Variants in NLRP14 observed in about 807,000 individuals in gnomAD.
NLRP14 encodes NACHT, LRR and PYD domains-containing protein 14.
NLRP14 carries 105 observed loss-of-function variants against 94.7 expected under a neutral mutation model. The observed-to-expected ratio is 1.11, with a 90% CI of 0.95 to 1.30. The LOEUF (loss-of-function observed/expected upper bound fraction) is 1.30, where lower values mean the gene tolerates loss of function less well. NLRP14 is among the 50% of genes most tolerant of loss of function. The probability of loss-of-function intolerance (pLI) is 0.00; values close to 1 mark genes in which losing one functional copy is unlikely to be tolerated. For synonymous variants in NLRP14, 508 were observed against 459.9 expected, an observed-to-expected ratio of 1.10 and a Z score of -1.34; for missense variants, 1,362 against 1,254.1, an observed-to-expected ratio of 1.09 and a Z score of -1.30.
At chr11:7,090,039 C>A in the NLRP14 span, 3 of 1,613,080 alleles carry the variant, frequency 1.9e-6, no homozygotes, top group Non-Finnish European at 2.5e-6. Context: ...AGGAGGAGGC[C>A]GCTACGAGGA....
Position 7,043,847 on chromosome 11 carries a change from T to G in NLRP14, c.1821T>G (p.Ile607Met). 4.3e-6 allele frequency: 7 copies of G among 1,614,238 alleles called. No individual in the cohort carries two copies. Among genetic ancestry groups the G allele is most frequent in the Non-Finnish European group, 5.9e-6 (7 of 1,180,038 alleles). Reference protein sequence around the residue: ...QAMRCFPKVAINICEKIHLLV... With the variant: ...QAMRCFPKVAMNICEKIHLLV... ...TGAGATGTTTCCCAAAGGTTGCCAT[T>G]AATATTTGTGAGAAAATACATTTGC... Residue 607 changes from isoleucine to methionine, a missense_variant, in exon 4 of 12, where the codon ATT (isoleucine) becomes ATG (methionine). Physicochemically the swap from Ile to Met is conservative, Grantham distance 10. Coordinates refer to ENST00000299481, the MANE Select transcript of NLRP14 (RefSeq NM_176822.4).
the NLRP14 span, among the ~76,000 whole-genome samples, chr11:7,077,855 T>C: frequency 3.2e-3 from 480 of 152,210 alleles, 6 homozygotes; most frequent in East Asian, 7.9e-3. Flanking sequence ...CAAGATGAGA[T>C]TTGGGTGGGG....
the NLRP14 span, chr11:7,088,994 CCG>C: frequency 1.7e-6 from 2 of 1,148,542 alleles, no homozygotes; most frequent in Non-Finnish European, 2.5e-6. Flanking sequence ...GGCTGCGGTT[CCG>C]TGGACTCGGC....
Position 7,063,905 on chromosome 11 carries a change from TC to T in NLRP14, c.2975+1403del, listed in dbSNP as rs1376257772. On this transcript the variant is annotated intron_variant, in intron 10 of 11. Coordinates refer to ENST00000299481, the MANE Select transcript of NLRP14 (RefSeq NM_176822.4). ...AAGGGAGTCTAAAATGAGCTGCCAT[TC>T]TTTGGTGTCACTGGCAATAAATAAA... 4.6e-5 allele frequency among the ~76,000 whole-genome samples: 7 copies of T among 152,192 alleles called. No individual in the cohort carries two copies. In the East Asian group the frequency reaches 1.4e-3, roughly 29 times the overall value.
intron 10 of NLRP14, among the ~76,000 whole-genome samples, chr11:7,064,159 T>TC (rs1360496092): frequency 1.3e-5 from 2 of 152,280 alleles, no homozygotes; most frequent in African/African-American, 4.8e-5. Context: ...CCAAGGCTGT[T>TC]CTAGCATCAA....
At chr11:7,029,887 G>A (rs1360795399) in intron 1 of NLRP14, among the ~76,000 whole-genome samples, 1 of 152,120 alleles carries the variant, frequency 6.6e-6, no homozygotes, top group Non-Finnish European at 1.5e-5. Flanking sequence ...TGAGGTTGTT[G>A]GGCCCATCTT....
chr11:7,027,706 A>G (rs1453933989), intron 1 of NLRP14, among the ~76,000 whole-genome samples: 16 of 152,090 alleles, frequency 1.1e-4, no homozygotes, highest in Admixed American at 1.0e-3. Flanking sequence ...GGCCTAGTTC[A>G]ATTAGGTTTC....
In NLRP14 at chr11:7,042,764, AATC is replaced by A; in HGVS notation, c.741_743del (p.Ile247del). 6.2e-7 allele frequency: 1 copy of A among 1,614,218 alleles called. No homozygotes were observed. The highest frequency in any genetic ancestry group is 8.5e-7 in the Non-Finnish European group (1 of 1,180,036). On this transcript the variant is annotated inframe_deletion, in exon 4 of 12. Transcript: ENST00000299481. ...CCAGCACAGAAGGCCCCATTGAAGAAATCATGTACCAGCCAAGTAGCCTCTTGT... is the reference window on the plus strand; with the variant it reads ...CCAGCACAGAAGGCCCCATTGAAGAAATGTACCAGCCAAGTAGCCTCTTGT...
In NLRP14 at chr11:7,058,400, G is replaced by T. The variant is rs1372658237; in HGVS notation, c.2583G>T (p.Lys861Asn). ...ATGTCTTGGGTGATGGTGGAGTAAA[G>T]CTTATGAGTGATGCCCTGCAACATG... is the stretch of plus-strand genomic sequence containing the variant. ...ADNVLGDGGV[K>N]LMSDALQHAQ... Residue 861 changes from lysine to asparagine, a missense_variant, in exon 8 of 12, where the codon AAG (lysine) becomes AAT (asparagine). Lys to Asn is a moderately conservative substitution (Grantham distance 94, BLOSUM62 0). Coordinates refer to ENST00000299481, the MANE Select transcript of NLRP14 (RefSeq NM_176822.4). The T allele has an allele frequency of 6.2e-7, 1 of 1,612,880 alleles. No individual in the cohort carries two copies. Among genetic ancestry groups the T allele is most frequent in the South Asian group, 1.1e-5 (1 of 91,062 alleles).
At chr11:7,085,581 T>A in the NLRP14 span, among the ~76,000 whole-genome samples, 1 of 152,170 alleles carries the variant, frequency 6.6e-6, no homozygotes, top group Non-Finnish European at 1.5e-5. Flanking sequence ...CTAAATAATA[T>A]TTTATTATGT....
At chr11:7,089,995 C>G in the NLRP14 span, 5 of 1,613,112 alleles carry the variant, frequency 3.1e-6, no homozygotes, top group Non-Finnish European at 4.2e-6. Flanking sequence ...CTGCGCGGCG[C>G]CGCCCCAGGA....
intron 2 of NLRP14, among the ~76,000 whole-genome samples, chr11:7,039,344 C>T (rs1052584846): frequency 7.1e-6 from 1 of 140,154 alleles, no homozygotes; most frequent in African/African-American, 2.6e-5. Context: ...TACGCGTATA[C>T]AAGGCTTTAG....
At chr11:7,060,982 G>T (rs143105294) in intron 9 of NLRP14, among the ~76,000 whole-genome samples, 2 of 152,104 alleles carry the variant, frequency 1.3e-5, no homozygotes, top group East Asian at 3.9e-4. Flanking sequence ...AAACAGAGGC[G>T]TCACTTAGCA....
the NLRP14 span, among the ~76,000 whole-genome samples, chr11:7,076,634 A>G: frequency 2.0e-5 from 3 of 151,792 alleles, no homozygotes; most frequent in Non-Finnish European, 1.5e-5. Flanking sequence ...TGAGCACTCT[A>G]TCTTATATAT....
Position 7,042,732 on chromosome 11 carries a change from G to T in NLRP14, c.706G>T (p.Asp236Tyr), listed in dbSNP as rs1398246177. 6.2e-7 allele frequency: 1 copy of T among 1,614,176 alleles called. No individual in the cohort carries two copies. Among genetic ancestry groups the T allele is most frequent in the Admixed American group, 1.7e-5 (1 of 60,024 alleles). ...ERSFAQLISKDWPSTEGPIEE... is the reference protein window; with the variant it reads ...ERSFAQLISKYWPSTEGPIEE... Reference sequence around the variant, plus strand: ...AAGCTTTGCTCAATTGATATCAAAGGACTGGCCCAGCACAGAAGGCCCCAT... The same window carrying T: ...AAGCTTTGCTCAATTGATATCAAAGTACTGGCCCAGCACAGAAGGCCCCAT... The change falls in exon 4 of 12, where the codon GAC (aspartate) becomes TAC (tyrosine). Residue 236 changes from aspartate to tyrosine, a missense_variant. Asp to Tyr is a radical substitution (Grantham distance 160). Coordinates refer to ENST00000299481, the MANE Select transcript of NLRP14 (RefSeq NM_176822.4).
At position 7,042,998 on chromosome 11, in the gene NLRP14, T is replaced by G; in HGVS notation, c.972T>G (p.Tyr324Ter). The G allele has an allele frequency of 6.2e-7, 1 of 1,614,208 alleles. No individual in the cohort carries two copies. The highest frequency in any genetic ancestry group is 1.6e-4 in the Middle Eastern group (1 of 6,062). The change falls in exon 4 of 12, where the codon TAT becomes TAG. Residue 324 changes from tyrosine to a stop codon, truncating the protein, a stop_gained. Coordinates refer to ENST00000299481, the MANE Select transcript of NLRP14 (RefSeq NM_176822.4). LOFTEE classifies it high-confidence loss of function. ...AGCAGTTGTTGAAGAATCACCATTA[T>G]GTAGAGCTACTAGGAATGTCTGAGG... is the stretch of plus-strand genomic sequence containing the variant. ...RLKQLLKNHH[Y>*]VELLGMSEDA... is the part of the protein sequence containing the mutation.
At chr11:7,063,973 C>G (rs1030883010) in intron 10 of NLRP14, among the ~76,000 whole-genome samples, 4 of 152,066 alleles carry the variant, frequency 2.6e-5, no homozygotes, top group East Asian at 3.9e-4. Context: ...AGTAAAGAGA[C>G]AGTTAGCAGT....
chr11:7,054,216 A>G (rs1297351236), intron 6 of NLRP14, among the ~76,000 whole-genome samples: 1 of 152,102 alleles, frequency 6.6e-6, no homozygotes, highest in Non-Finnish European at 1.5e-5. Flanking sequence ...TTTGATGGAC[A>G]TTTAGGTTGC....
chr11:7,067,121 G>C (rs901356188), intron 10 of NLRP14, among the ~76,000 whole-genome samples: 1 of 152,168 alleles, frequency 6.6e-6, no homozygotes, highest in African/African-American at 2.4e-5. Context: ...AGTACAGTTT[G>C]AAGTCAGGTA....
Sources: allele counts gnomAD v4.1 joint callset (sites outside exome capture counted in the v4.1 genomes callset), GRCh38; gene constraint gnomAD v4.1.1; transcripts MANE v1.5; gene names NCBI Gene and HGNC (gene_info 2026-07-23, HGNC 2026-07-21).